Variants in NFAT5 observed in about 807,000 individuals in gnomAD.
NFAT5 encodes nuclear factor of activated T-cells 5.
NFAT5 carries 31 observed loss-of-function variants against 166.5 expected under a neutral mutation model. The observed-to-expected ratio is 0.19, with a 90% CI of 0.14 to 0.25. The LOEUF (loss-of-function observed/expected upper bound fraction) is 0.25. Ranked by LOEUF, NFAT5 falls within the 10% of genes least tolerant of loss-of-function variation. The pLI is 1.00. For missense variants in NFAT5, 1,449 were observed against 1,821.8 expected, an observed-to-expected ratio of 0.80 and a Z score of 3.72; for synonymous variants, 612 against 639.7, an observed-to-expected ratio of 0.96 and a Z score of 0.65.
chr16:69,566,167 T>C lies in NFAT5; in HGVS notation c.-135T>C. 1 of 675,436 alleles carries C rather than the reference T, an allele frequency of 1.5e-6. No individual in the cohort carries two copies. The highest frequency in any genetic ancestry group is 2.5e-6 in the Non-Finnish European group (1 of 403,018). 41.8% of individuals were successfully genotyped at this position (675,436 alleles called of 1,614,324 possible). ...CTCGGCCCAGTGGAAGTCACTACCC[T>C]CGAGGAGGAGGCAGCGGCAGCCGCC... On this transcript the variant is annotated 5_prime_UTR_variant, in exon 1 of 15. Coordinates refer to ENST00000349945, the MANE Select transcript of NFAT5 (RefSeq NM_138713.4). The surrounding 1 kb of genome is among the most constrained non-coding windows in gnomAD (Gnocchi z 5.7).
At chr16:69,644,790 T>C (rs2035365537) in intron 3 of NFAT5, 3 of 450,198 alleles carry the variant, frequency 6.7e-6, no homozygotes, top group Middle Eastern at 3.3e-4. Context: ...CCATCTGTCA[T>C]GAACAGGGAT....
chr16:69,655,534 C>A (rs1438892629), intron 5 of NFAT5, 75 bp from the exon 6 acceptor site: 1 of 1,220,846 alleles, frequency 8.2e-7, no homozygotes, highest in East Asian at 2.7e-5. Flanking sequence ...AGGATTTGGT[C>A]TTAAATATTT....
chr16:69,636,555 C>T (rs534015607), intron 3 of NFAT5, among the ~76,000 whole-genome samples: 24 of 152,314 alleles, frequency 1.6e-4, no homozygotes, highest in African/African-American at 4.6e-4. Context: ...GAAATCTAGG[C>T]GGAGGTTCCC....
chr16:69,615,690 T>C (rs1188336728), intron 2 of NFAT5, among the ~76,000 whole-genome samples: 1 of 152,236 alleles, frequency 6.6e-6, no homozygotes, highest in African/African-American at 2.4e-5. Context: ...TCTCTCTCTG[T>C]TTGTAACTCA....
chr16:69,692,544 G>A lies in NFAT5; in HGVS notation c.2719G>A (p.Val907Met), dbSNP rs1026669490. ...QQQQQQQQQQVMESSAAMVME... is the reference protein window; with the variant it reads ...QQQQQQQQQQMMESSAAMVME... ...GCAGCAGCAGCAGCAGCAACAGCAA[G>A]TGATGGAATCTTCAGCCGCAATGGT... The change falls in exon 13 of 15, where the codon GTG becomes ATG. Residue 907 changes from valine to methionine, a missense_variant. By Grantham distance (21) the Val-to-Met change is conservative. Coordinates refer to ENST00000349945, the MANE Select transcript of NFAT5 (RefSeq NM_138713.4). 1.9e-6 allele frequency: 3 copies of A among 1,613,964 alleles called. No individual in the cohort carries two copies. Among genetic ancestry groups the A allele is most frequent in the South Asian group, 1.1e-5 (1 of 91,084 alleles).
In NFAT5 at chr16:69,655,461, A is replaced by G. The variant is rs1243399883; in HGVS notation, c.1006-148A>G. The G allele has an allele frequency of 1.1e-5, 6 of 534,006 alleles. No individual in the cohort carries two copies. The Admixed American group carries it at 2.4e-4, about 21-fold the overall frequency. The allele number at this position is 534,006 out of a possible 1,614,324, so 33.1% of individuals were successfully genotyped here. On this transcript the variant is annotated intron_variant, in intron 5 of 14. Coordinates refer to ENST00000349945, the MANE Select transcript of NFAT5 (RefSeq NM_138713.4). The stretch of plus-strand genomic sequence containing the variant: ...GAATTTAGCCAACTCTTTTATGAAA[A>G]TGTTTTATCTCTATTTTTCTTGAAG...
At chr16:69,611,188 G>A (rs2033689035) in intron 2 of NFAT5, among the ~76,000 whole-genome samples, 1 of 152,054 alleles carries the variant, frequency 6.6e-6, no homozygotes, top group South Asian at 2.1e-4. Flanking sequence ...TGTTTACAAG[G>A]ACATGATTAG....
chr16:69,681,535 C>G (rs1327866751), intron 10 of NFAT5, among the ~76,000 whole-genome samples: 1 of 152,138 alleles, frequency 6.6e-6, no homozygotes, highest in African/African-American at 2.4e-5. Flanking sequence ...TTGGCTCCAT[C>G]CTATACTTGG....
intron 10 of NFAT5, among the ~76,000 whole-genome samples, chr16:69,681,284 T>G (rs1421512079): frequency 1.3e-5 from 2 of 152,216 alleles, no homozygotes; most frequent in East Asian, 3.8e-4. Flanking sequence ...TCCTAATATT[T>G]ACGGGTTGGA....
At position 69,693,620 on chromosome 16, in the gene NFAT5, C is replaced by T; in HGVS notation, c.3795C>T (p.Ser1265=). ...SIVAMQSNSP[S]QEQQQQQQQQ... is the part of the protein sequence containing the mutation. ...TTGCCATGCAGAGTAACTCTCCATC[C>T]CAGGAACAGCAGCAGCAGCAGCAAC... Residue 1265 remains serine, a synonymous_variant, in exon 13 of 15, where the codon TCC becomes TCT. Coordinates refer to ENST00000349945, the MANE Select transcript of NFAT5 (RefSeq NM_138713.4). 6.2e-7 allele frequency: 1 copy of T among 1,614,090 alleles called. No homozygotes were observed.
intron 6 of NFAT5, among the ~76,000 whole-genome samples, chr16:69,657,713 C>T (rs1387134930): frequency 3.0e-5 from 4 of 132,472 alleles, no homozygotes; most frequent in African/African-American, 1.1e-4. Flanking sequence ...GAGCTGAGAT[C>T]ATGCCACTGC....
chr16:69,572,362 C>G lies in NFAT5; in HGVS notation c.127+3814C>G, dbSNP rs1597332108. ...TCAAAGTAACTTGTGTTACAAAAAT[C>G]CTGAACAAAAGTATACATCACTGAT... On this transcript the variant is annotated intron_variant, in intron 2 of 14. Transcript: ENST00000349945. Among the ~76,000 whole-genome samples the G allele has an allele frequency of 2.0e-5, 3 of 152,202 alleles. No homozygotes were observed. In the South Asian group the frequency reaches 6.2e-4, roughly 32 times the overall value.
chr16:69,599,918 G>A (rs2033032717), intron 2 of NFAT5, among the ~76,000 whole-genome samples: 2 of 152,162 alleles, frequency 1.3e-5, no homozygotes, highest in African/African-American at 2.4e-5. Flanking sequence ...TGGGTTTTAT[G>A]CTGAGATGGG....
chr16:69,696,699 A>G lies in NFAT5; in HGVS notation c.*348A>G, dbSNP rs1463690217. 1 of 152,674 alleles carries G rather than the reference A, an allele frequency of 6.5e-6. No individual in the cohort carries two copies. The highest frequency in any genetic ancestry group is 2.4e-5 in the African/African-American group (1 of 41,460). The allele number at this position is 152,674 out of a possible 1,614,324, so 9.5% of individuals were successfully genotyped here. On this transcript the variant is annotated 3_prime_UTR_variant, in exon 15 of 15. Coordinates refer to ENST00000349945, the MANE Select transcript of NFAT5 (RefSeq NM_138713.4). ...CCACTCAGTTATTATTGCTATTAGA[A>G]AATAATATATCATGTTTACTTTTGT...
chr16:69,650,167 T>C (rs997387541), intron 4 of NFAT5, among the ~76,000 whole-genome samples: 4 of 152,060 alleles, frequency 2.6e-5, no homozygotes, highest in Non-Finnish European at 5.9e-5. Flanking sequence ...AGAAGGATTA[T>C]GCGGCACGAA....
intron 2 of NFAT5, among the ~76,000 whole-genome samples, chr16:69,576,291 CAAAAAAAAA>C (rs35557444): frequency 2.4e-3 from 133 of 55,302 alleles, no homozygotes; most frequent in Middle Eastern, 7.2e-3. Context: ...GACTCGGTCT[CAAAAAAAAA>C]AAAAAAAAAA....
chr16:69,684,832 C>A (rs1005940709), intron 10 of NFAT5, 55 bp from the exon 11 acceptor site: 4 of 1,127,584 alleles, frequency 3.5e-6, no homozygotes, highest in East Asian at 2.5e-5. Context: ...ATTTAAGATA[C>A]GAGGTTTTTA....
intron 3 of NFAT5, among the ~76,000 whole-genome samples, chr16:69,628,810 G>T (rs1046754578): frequency 1.3e-5 from 2 of 152,160 alleles, no homozygotes; most frequent in Non-Finnish European, 2.9e-5. Flanking sequence ...GGCCAGGCAT[G>T]GTGGCTCACA....
chr16:69,659,291 A>T (rs2036024578), intron 6 of NFAT5, among the ~76,000 whole-genome samples: 1 of 151,920 alleles, frequency 6.6e-6, no homozygotes, highest in Non-Finnish European at 1.5e-5. Context: ...AAAATACAAA[A>T]AATAGTTGGG....
Sources: allele counts gnomAD v4.1 joint callset (sites outside exome capture counted in the v4.1 genomes callset), GRCh38; gene constraint gnomAD v4.1.1; non-coding constraint Gnocchi (gnomAD v3.1); transcripts MANE v1.5; gene names NCBI Gene and HGNC (gene_info 2026-07-23, HGNC 2026-07-21).